The following DDX11 variants were observed in gnomAD, a reference collection of about 807,000 sequenced individuals.
The protein encoded by DDX11 is DEAD/H-box helicase 11.
DDX11 carries 72 observed loss-of-function variants against 125.2 expected under a neutral mutation model. That is an observed-to-expected ratio of 0.58 (90% CI 0.48 to 0.70). The LOEUF (loss-of-function observed/expected upper bound fraction) is 0.70, where lower values mean the gene tolerates loss of function less well. Among genes scored for constraint, DDX11 ranks in the 30% least tolerant of loss-of-function variants. DDX11 has a pLI of 0.00. For missense variants in DDX11, 883 were observed against 1,165.0 expected, an observed-to-expected ratio of 0.76 and a Z score of 3.52; for synonymous variants, 347 against 452.6, an observed-to-expected ratio of 0.77 and a Z score of 2.96.
intron 1 of DDX11, among the ~76,000 whole-genome samples, chr12:31,076,121 C>T (rs1940674251): frequency 6.6e-6 from 1 of 152,164 alleles, no homozygotes; most frequent in Admixed American, 6.5e-5. Context: ...AGAGGAGCTG[C>T]TGGTCAGCTT....
At position 31,101,868 on chromosome 12, in the gene DDX11, C is replaced by A. The variant is rs779746853; in HGVS notation, c.2088C>A (p.Cys696Ter). Reference protein sequence around the residue: ...DEVGRILCNLCGVVPGGVVCF... With the variant: ...DEVGRILCNL ...TGGGTCGCATTCTCTGTAACCTGTG[C>A]GGTGTGGTTCCTGGAGGGGTGGTCT... is the stretch of plus-strand genomic sequence containing the variant. Residue 696 changes from cysteine to a stop codon, truncating the protein, a stop_gained, in exon 21 of 27, where the codon TGC (cysteine) becomes TGA (stop). Coordinates refer to ENST00000542838, the MANE Select transcript of DDX11 (RefSeq NM_030653.4). LOFTEE classifies it high-confidence loss of function. The A allele has an allele frequency of 6.2e-7, 1 of 1,613,912 alleles. No homozygotes were observed. The highest frequency in any genetic ancestry group is 8.5e-7 in the Non-Finnish European group (1 of 1,179,862).
At chr12:31,086,645 A>T (rs965988725) in intron 5 of DDX11, among the ~76,000 whole-genome samples, 28 of 152,270 alleles carry the variant, frequency 1.8e-4, no homozygotes, top group Admixed American at 5.2e-4. Context: ...ACTTGAGTGG[A>T]GATGGAGGTG....
At chr12:31,096,191 A>G (rs1945187415) in intron 14 of DDX11, 150 bp from the exon 15 acceptor site, 1 of 921,902 alleles carries the variant, frequency 1.1e-6, no homozygotes, top group Non-Finnish European at 1.7e-6. Context: ...AGGAGATGAC[A>G]AGGTTGGTGG....
intron 2 of DDX11, among the ~76,000 whole-genome samples, chr12:31,082,463 C>A (rs1012808388): frequency 6.6e-6 from 1 of 152,032 alleles, no homozygotes; most frequent in East Asian, 1.9e-4. Flanking sequence ...ACCCTGGCAC[C>A]TGGCTGTGGA....
intron 18 of DDX11, among the ~76,000 whole-genome samples, chr12:31,098,396 A>G (rs970703580): frequency 7.2e-5 from 11 of 152,282 alleles, no homozygotes; most frequent in African/African-American, 2.4e-4. Flanking sequence ...GGCTCCCTCC[A>G]TGTGCTGTCA....
chr12:31,104,068 G>A lies in DDX11; in HGVS notation c.*232G>A. On this transcript the variant is annotated 3_prime_UTR_variant, in exon 27 of 27. Transcript: ENST00000542838. ...CCTGGCTGTCCTTGGGGCGTTCCAG[G>A]GCAGCTCCCCTCCTGGAATAGAATC... The A allele has an allele frequency of 6.5e-7, 1 of 1,537,426 alleles. No homozygotes were observed. Among genetic ancestry groups the A allele is most frequent in the Non-Finnish European group, 8.8e-7 (1 of 1,139,798 alleles).
At chr12:31,077,701 G>A (rs1481073515) in intron 1 of DDX11, among the ~76,000 whole-genome samples, 2 of 152,012 alleles carry the variant, frequency 1.3e-5, no homozygotes. Flanking sequence ...AAAATTAGCT[G>A]GGCGTGGTGG....
rs767998920 is a variant in DDX11, at chr12:31,096,855, G to A, written c.1631-4G>A. ...AGGCCTCCTCCCCGTTCTGCTCTGT[G>A]CAGCTCTTGCAGCCCCTGCAGACGA... On this transcript the variant is annotated splice_polypyrimidine_tract_variant and splice_region_variant and intron_variant, in intron 16 of 26. Coordinates refer to ENST00000542838, the MANE Select transcript of DDX11 (RefSeq NM_030653.4). 3.1e-6 allele frequency: 5 copies of A among 1,614,170 alleles called. No homozygotes were observed. Among genetic ancestry groups the A allele is most frequent in the East Asian group, 2.2e-5 (1 of 44,874 alleles).
At chr12:31,089,638 AG>A (rs1943827495) in intron 8 of DDX11, 148 bp downstream of exon 8, 1 of 1,028,666 alleles carries the variant, frequency 9.7e-7, no homozygotes. Context: ...CTTGGGAAAA[AG>A]TGTTCCTACT....
At chr12:31,086,059 C>T (rs1296935247) in intron 5 of DDX11, 2 of 454,466 alleles carry the variant, frequency 4.4e-6, no homozygotes, top group South Asian at 3.1e-5. Flanking sequence ...CCGCCATCCA[C>T]CAGACGCCAG....
intron 2 of DDX11, among the ~76,000 whole-genome samples, chr12:31,081,804 A>G (rs1225945953): frequency 9.6e-6 from 1 of 103,954 alleles, no homozygotes; most frequent in Admixed American, 1.1e-4. Context: ...TACACGATGT[A>G]GAAAACAGTG....
In DDX11 at chr12:31,073,891, C is replaced by G. The variant is rs536071532; in HGVS notation, c.-205C>G. The G allele has an allele frequency of 2.6e-5, 4 of 152,376 alleles. No individual in the cohort carries two copies. Among genetic ancestry groups the G allele is most frequent in the African/African-American group, 9.6e-5 (4 of 41,590 alleles). The allele number at this position is 152,376 out of a possible 1,614,324, so 9.4% of individuals were successfully genotyped here. ...CCGGCTGCCTTTCACTGAGGGGACCCGCCAGTTTCTAACTCAGTGGCGTTT... is the reference window on the plus strand; with the variant it reads ...CCGGCTGCCTTTCACTGAGGGGACCGGCCAGTTTCTAACTCAGTGGCGTTT... On this transcript the variant is annotated 5_prime_UTR_variant, in exon 1 of 27. Transcript: ENST00000542838.
In DDX11 at chr12:31,085,886, G is replaced by C. The variant is rs576395620; in HGVS notation, c.638+760G>C. ...ACAAAATGGTGATGTGGATGGGGTG[G>C]GGGGCTGCACCTGATGATGAGTCCC... On this transcript the variant is annotated intron_variant, in intron 5 of 26. Transcript: ENST00000542838. 5.3e-3 allele frequency: 1,944 copies of C among 364,002 alleles called. 12 individuals carry two copies. The highest frequency in any genetic ancestry group is 7.7e-3 in the Non-Finnish European group (1,406 of 182,616). 22.5% of individuals were successfully genotyped at this position (364,002 alleles called of 1,614,324 possible). A position where few individuals can be genotyped will look rare whatever the true frequency, so the allele number is the denominator to read the frequency against.
intron 2 of DDX11, among the ~76,000 whole-genome samples, chr12:31,083,294 C>G (rs922529197): frequency 1.2e-4 from 18 of 145,814 alleles, no homozygotes; most frequent in African/African-American, 1.8e-4. Context: ...TGGTGTCTTC[C>G]AGAGTGATTA....
intron 8 of DDX11, 27 bp downstream of exon 8, chr12:31,089,517 G>T: frequency 6.3e-7 from 1 of 1,599,996 alleles, no homozygotes; most frequent in Non-Finnish European, 8.6e-7. Flanking sequence ...TGGTGTAGCC[G>T]CAGGTGGTCT....
intron 19 of DDX11, 90 bp downstream of exon 19, chr12:31,100,797 C>T: frequency 2.0e-6 from 3 of 1,475,218 alleles, no homozygotes; most frequent in South Asian, 1.2e-5. Context: ...CGACCAGGCA[C>T]AGGGGCGGAG....
intron 1 of DDX11, among the ~76,000 whole-genome samples, chr12:31,077,324 CAG>C (rs1290574470): frequency 6.6e-6 from 1 of 152,120 alleles, no homozygotes; most frequent in African/African-American, 2.4e-5. Context: ...CAACGTGGAG[CAG>C]AGTTTTTCTT....
At chr12:31,096,459 G>A in intron 15 of DDX11, 80 bp downstream of exon 15, 2 of 1,613,024 alleles carry the variant, frequency 1.2e-6, no homozygotes, top group Non-Finnish European at 1.7e-6. Context: ...TTCCTCCCCT[G>A]CCCTCAGGGA....
At chr12:31,097,616 G>A (rs536830427) in intron 17 of DDX11, among the ~76,000 whole-genome samples, 53 of 146,086 alleles carry the variant, frequency 3.6e-4, no homozygotes, top group African/African-American at 1.3e-3. Flanking sequence ...GGAGGCGGAG[G>A]TTGCAGGGAG....
Sources: allele counts gnomAD v4.1 joint callset (sites outside exome capture counted in the v4.1 genomes callset), GRCh38; gene constraint gnomAD v4.1.1; transcripts MANE v1.5; gene names NCBI Gene and HGNC (gene_info 2026-07-23, HGNC 2026-07-21).